DDHD1: variants seen among roughly 807,000 people sequenced by gnomAD.
DDHD1 encodes DDHD domain containing 1.
In DDHD1, 49 loss-of-function variants were observed where a neutral mutation model predicts 96.4. The ratio of observed to expected loss-of-function variants is 0.51; its 90% CI spans 0.40 to 0.64. DDHD1 has a LOEUF of 0.64. Among genes scored for constraint, DDHD1 ranks in the 30% least tolerant of loss-of-function variants. The probability of loss-of-function intolerance (pLI) is 0.00; values close to 1 mark genes in which losing one functional copy is unlikely to be tolerated. For missense variants in DDHD1, 1,106 were observed against 1,161.2 expected, an observed-to-expected ratio of 0.95 and a Z score of 0.69; for synonymous variants, 442 against 446.5, an observed-to-expected ratio of 0.99 and a Z score of 0.13.
intron 1 of DDHD1, among the ~76,000 whole-genome samples, chr14:53,126,301 TAGA>T (rs1048108080): frequency 2.8e-4 from 42 of 152,192 alleles, no homozygotes; most frequent in African/African-American, 1.0e-3. Flanking sequence ...AAGGGTGAAA[TAGA>T]AGTGAATATG....
At chr14:53,073,644 A>T (rs762741280) in intron 5 of DDHD1, 97 bp downstream of exon 5, 51 of 906,998 alleles carry the variant, frequency 5.6e-5, no homozygotes, top group Non-Finnish European at 8.5e-5. Context: ...AAGACACTAC[A>T]TTCTCAATTA....
intron 1 of DDHD1, among the ~76,000 whole-genome samples, chr14:53,133,350 A>G (rs1239463981): frequency 6.6e-6 from 1 of 152,128 alleles, no homozygotes; most frequent in African/African-American, 2.4e-5. Flanking sequence ...GAAGGCTACC[A>G]CAGTTATTTC....
At position 53,106,845 on chromosome 14, in the gene DDHD1, A is replaced by G. The variant is rs564543988; in HGVS notation, c.839-2989T>C. On this transcript the variant is annotated intron_variant, in intron 1 of 12. Coordinates refer to ENST00000673822, the MANE Select transcript of DDHD1 (RefSeq NM_001160148.2). The stretch of plus-strand genomic sequence containing the variant: ...TAATATGTAAAATTTGAAATTTCCT[A>G]TTATTTCTGAAAAGTGTTGAGTTAT... Among the ~76,000 whole-genome samples the G allele has an allele frequency of 3.1e-4, 47 of 152,198 alleles. 1 individual carries two copies. The highest frequency in any genetic ancestry group is 9.4e-4 in the African/African-American group (39 of 41,522).
At chr14:53,125,965 T>A (rs1367615039) in intron 1 of DDHD1, among the ~76,000 whole-genome samples, 1 of 152,176 alleles carries the variant, frequency 6.6e-6, no homozygotes, top group East Asian at 1.9e-4. Flanking sequence ...CCTCCCAAAG[T>A]GCTGGGATTA....
At chr14:53,066,494 GCTCT>G (rs971342580) in intron 6 of DDHD1, among the ~76,000 whole-genome samples, 6 of 152,248 alleles carry the variant, frequency 3.9e-5, no homozygotes, top group African/African-American at 1.4e-4. Context: ...GGGGAAAAAG[GCTCT>G]TTCAAATGCC....
At chr14:53,072,234 C>A (rs989496467) in intron 6 of DDHD1, among the ~76,000 whole-genome samples, 4 of 151,918 alleles carry the variant, frequency 2.6e-5, no homozygotes, top group African/African-American at 9.7e-5. Context: ...GAAAACTGTA[C>A]GAATTCATTA....
At chr14:53,064,717 T>C (rs1171368801) in intron 6 of DDHD1, among the ~76,000 whole-genome samples, 3 of 152,140 alleles carry the variant, frequency 2.0e-5, no homozygotes, top group African/African-American at 7.2e-5. Context: ...TATTTCCTTA[T>C]TAGAGCATAT....
At chr14:53,138,152 C>T (rs1019031273) in intron 1 of DDHD1, among the ~76,000 whole-genome samples, 4 of 152,184 alleles carry the variant, frequency 2.6e-5, no homozygotes, top group Admixed American at 1.3e-4. Flanking sequence ...TGCCTGTAAT[C>T]CCAGGACTTT....
rs73294009 is a variant in DDHD1, at chr14:53,058,455, A to G, written c.1992+22T>C. 9,553 of 1,581,296 alleles carry G rather than the reference A, an allele frequency of 6.0e-3. 482 individuals carry two copies. The African/African-American group carries it at 0.11, about 18-fold the overall frequency. On this transcript the variant is annotated intron_variant, in intron 9 of 12. Coordinates refer to ENST00000673822, the MANE Select transcript of DDHD1 (RefSeq NM_001160148.2). ...GGAACAATTTGACATTGAGAAAAAA[A>G]AGAGTCTATATTGCAACTCACCACT...
intron 1 of DDHD1, among the ~76,000 whole-genome samples, chr14:53,135,051 A>C (rs1456725719): frequency 6.6e-6 from 1 of 151,970 alleles, no homozygotes; most frequent in Admixed American, 6.6e-5. Flanking sequence ...TACCACCCCC[A>C]AAAATTTTTG....
intron 4 of DDHD1, among the ~76,000 whole-genome samples, chr14:53,087,497 A>G (rs1461646313): frequency 2.0e-5 from 3 of 152,210 alleles, no homozygotes; most frequent in African/African-American, 7.2e-5. Context: ...AGAACTCAGG[A>G]TTAAGAAACT....
intron 4 of DDHD1, among the ~76,000 whole-genome samples, chr14:53,080,045 C>T (rs144357377): frequency 1.3e-5 from 2 of 152,236 alleles, no homozygotes; most frequent in African/African-American, 2.4e-5. Context: ...TGAACTTTTG[C>T]TATTGCTAAT....
chr14:53,060,996 T>G, intron 8 of DDHD1, 130 bp downstream of exon 8: 1 of 859,854 alleles, frequency 1.2e-6, no homozygotes, highest in Non-Finnish European at 1.8e-6. Context: ...GTCCAACATA[T>G]AGTATATGTT....
At chr14:53,054,700 T>C (rs1882891222) in intron 10 of DDHD1, 71 bp from the exon 11 acceptor site, 16 of 1,474,248 alleles carry the variant, frequency 1.1e-5, no homozygotes, top group Non-Finnish European at 1.5e-5. Flanking sequence ...GCACCACCCA[T>C]AATTATAGCC....
chr14:53,075,315 A>T (rs953357260), intron 4 of DDHD1, among the ~76,000 whole-genome samples: 4 of 152,072 alleles, frequency 2.6e-5, no homozygotes, highest in African/African-American at 9.7e-5. Context: ...CACACAAATA[A>T]GAAAATGAAA....
chr14:53,139,408 G>A (rs1890476544), intron 1 of DDHD1, among the ~76,000 whole-genome samples: 1 of 152,270 alleles, frequency 6.6e-6, no homozygotes, highest in South Asian at 2.1e-4. Context: ...GAATAAAGCA[G>A]ACCTGAAGAA....
chr14:53,135,366 G>A (rs1371719130), intron 1 of DDHD1, among the ~76,000 whole-genome samples: 1 of 152,160 alleles, frequency 6.6e-6, no homozygotes, highest in East Asian at 1.9e-4. Context: ...CTACGCCCTT[G>A]AGAATGCACT....
rs542541579 is a variant in DDHD1 at position 53,139,626 on chromosome 14, C to T, written c.838+12635G>A. On this transcript the variant is annotated intron_variant, in intron 1 of 12. Coordinates refer to ENST00000673822, the MANE Select transcript of DDHD1 (RefSeq NM_001160148.2). ...ACTTGAACCTGGGAGGCAGAAGTTG[C>T]AGTGAGCTGAGATCATGCCACTGCA... Among the ~76,000 whole-genome samples the T allele has an allele frequency of 5.3e-5, 8 of 152,178 alleles. No individual in the cohort carries two copies. The South Asian group carries it at 1.7e-3, about 32-fold the overall frequency.
intron 4 of DDHD1, among the ~76,000 whole-genome samples, chr14:53,081,356 C>G (rs1373062722): frequency 6.6e-6 from 1 of 151,950 alleles, no homozygotes; most frequent in East Asian, 1.9e-4. Flanking sequence ...ATTTTTCTAC[C>G]CACTCATTCA....
Sources: gnomAD v4.1 joint callset for allele counts (sites outside exome capture counted in the v4.1 genomes callset) on GRCh38, gnomAD v4.1.1 for gene constraint, MANE v1.5 for transcripts, NCBI Gene and HGNC (gene_info 2026-07-23, HGNC 2026-07-21) for gene names.